Variants in PTPRK observed in about 807,000 individuals in gnomAD.
PTPRK encodes the protein protein tyrosine phosphatase receptor type K, also known as receptor-type tyrosine-protein phosphatase kappa.
Under a neutral mutation model 178.0 loss-of-function variants are expected in PTPRK, and 75 were observed. The observed-to-expected ratio is 0.42, with a 90% CI of 0.35 to 0.51. PTPRK has a LOEUF of 0.51. Among genes scored for constraint, PTPRK ranks in the 20% least tolerant of loss-of-function variants. The pLI, the probability that PTPRK is intolerant of heterozygous loss-of-function variation, is 0.02. For missense variants in PTPRK, 1,441 were observed against 1,797.8 expected, an observed-to-expected ratio of 0.80 and a Z score of 3.59; for synonymous variants, 637 against 620.6, an observed-to-expected ratio of 1.03 and a Z score of -0.39.
intron 1 of PTPRK, among the ~76,000 whole-genome samples, chr6:128,476,028 T>C (rs1851331640): frequency 6.6e-6 from 1 of 152,042 alleles, no homozygotes; most frequent in Non-Finnish European, 1.5e-5. Flanking sequence ...AGAAAGGATA[T>C]CTTACCAAAA....
chr6:128,200,109 C>T (rs1805644264), intron 6 of PTPRK, among the ~76,000 whole-genome samples: 1 of 152,148 alleles, frequency 6.6e-6, no homozygotes, highest in Admixed American at 6.5e-5. Context: ...TATGATGGTT[C>T]ATACATTTCC....
intron 13 of PTPRK, chr6:128,062,707 G>A (rs1781067169): frequency 6.3e-6 from 1 of 158,408 alleles, no homozygotes; most frequent in Admixed American, 6.6e-5. Context: ...TTTAGAGACA[G>A]GGTCTCACTC....
chr6:128,002,954 G>A (rs560982335), intron 15 of PTPRK, among the ~76,000 whole-genome samples: 2 of 151,908 alleles, frequency 1.3e-5, no homozygotes, highest in African/African-American at 2.4e-5. Flanking sequence ...TAAGGGCCAT[G>A]TACTTTTGCT....
chr6:128,137,940 C>T (rs1262342072), intron 7 of PTPRK, among the ~76,000 whole-genome samples: 1 of 152,002 alleles, frequency 6.6e-6, no homozygotes, highest in East Asian at 1.9e-4. Context: ...ACTGGTATAT[C>T]CCACATCAGG....
Position 127,976,146 on chromosome 6 carries a change from C to T in PTPRK, c.3969+511G>A, listed in dbSNP as rs936409742. Among the ~76,000 whole-genome samples, 6 of 152,072 alleles carry T rather than the reference C, an allele frequency of 3.9e-5. No individual in the cohort carries two copies. In the South Asian group the frequency reaches 6.2e-4, roughly 16 times the overall value. Reference sequence around the variant, plus strand: ...ATCTGCTTAGAGCCATAGGTTGAGACGTTTAGGAAGATGAAATTGCAGGTA... The same window carrying T: ...ATCTGCTTAGAGCCATAGGTTGAGATGTTTAGGAAGATGAAATTGCAGGTA... On this transcript the variant is annotated intron_variant, in intron 27 of 29. Transcript: ENST00000368226.
chr6:128,243,761 T>C (rs1223978610), intron 3 of PTPRK, among the ~76,000 whole-genome samples: 1 of 152,150 alleles, frequency 6.6e-6, no homozygotes, highest in African/African-American at 2.4e-5. Flanking sequence ...CATTCAGCTC[T>C]TCAATGTTGT....
At chr6:127,979,059 T>C (rs1213671832) in intron 25 of PTPRK, among the ~76,000 whole-genome samples, 2 of 151,802 alleles carry the variant, frequency 1.3e-5, no homozygotes, top group South Asian at 2.1e-4. Context: ...TCAACTTTCA[T>C]ACAGAAAAAA....
intron 1 of PTPRK, among the ~76,000 whole-genome samples, chr6:128,430,244 G>A (rs1002482453): frequency 2.0e-5 from 3 of 152,132 alleles, no homozygotes; most frequent in African/African-American, 7.2e-5. Context: ...AGACAGATAG[G>A]GAGAAAGTTT....
At chr6:128,200,238 C>T (rs959631470) in intron 6 of PTPRK, among the ~76,000 whole-genome samples, 12 of 152,030 alleles carry the variant, frequency 7.9e-5, no homozygotes, top group Admixed American at 3.9e-4. Flanking sequence ...ACTGTTAGTT[C>T]AGAGAAAAAT....
chr6:128,001,292 T>C (rs34601789), intron 15 of PTPRK: 310,557 of 1,017,090 alleles, frequency 0.31, 50,560 homozygotes, highest in Admixed American at 0.37. Flanking sequence ...AATCAGTAAG[T>C]ATTAGCATTA....
intron 7 of PTPRK, among the ~76,000 whole-genome samples, chr6:128,093,972 G>A (rs1466871987): frequency 2.0e-5 from 3 of 152,148 alleles, no homozygotes; most frequent in Non-Finnish European, 2.9e-5. Context: ...CCTTTCAAAT[G>A]GAGTAGACAT....
chr6:128,430,511 A>C (rs1234731363), intron 1 of PTPRK, among the ~76,000 whole-genome samples: 4 of 152,198 alleles, frequency 2.6e-5, no homozygotes, highest in African/African-American at 7.2e-5. Context: ...CTAATGATGC[A>C]ATGAGACTAA....
chr6:128,031,420 A>G (rs1164896746), intron 13 of PTPRK, among the ~76,000 whole-genome samples: 1 of 152,234 alleles, frequency 6.6e-6, no homozygotes, highest in East Asian at 1.9e-4. Flanking sequence ...AAATTGCATG[A>G]CACTAATGCT....
chr6:128,119,544 A>C (rs1031184951), intron 7 of PTPRK, among the ~76,000 whole-genome samples: 1 of 152,102 alleles, frequency 6.6e-6, no homozygotes, highest in Non-Finnish European at 1.5e-5. Flanking sequence ...AGTGCTGCTG[A>C]CTTTGCCAGT....
intron 3 of PTPRK, among the ~76,000 whole-genome samples, chr6:128,264,673 C>T (rs1222781087): frequency 2.6e-5 from 4 of 151,966 alleles, no homozygotes; most frequent in African/African-American, 4.8e-5. Flanking sequence ...TATTCATGAA[C>T]ATTACTTCAT....
At chr6:128,417,713 G>C (rs1842997983) in intron 1 of PTPRK, among the ~76,000 whole-genome samples, 1 of 152,086 alleles carries the variant, frequency 6.6e-6, no homozygotes, top group Admixed American at 6.6e-5. Context: ...TGGTATTTTT[G>C]TCACTCAGTA....
chr6:128,001,138 T>C, intron 15 of PTPRK: 4 of 1,331,068 alleles, frequency 3.0e-6, no homozygotes, highest in South Asian at 1.3e-5. Flanking sequence ...TTAAGAATAA[T>C]AACTTGAAAT....
intron 1 of PTPRK, among the ~76,000 whole-genome samples, chr6:128,471,235 A>G (rs1293628728): frequency 1.3e-5 from 2 of 152,098 alleles, no homozygotes; most frequent in Admixed American, 6.6e-5. Flanking sequence ...TATGCCACAC[A>G]TCAAGGTATT....
intron 2 of PTPRK, among the ~76,000 whole-genome samples, chr6:128,334,948 C>T (rs1291745070): frequency 6.6e-6 from 1 of 151,976 alleles, no homozygotes; most frequent in Non-Finnish European, 1.5e-5. Context: ...ATTAGCCAGG[C>T]GTGGTGGCGG....
Sources: allele counts gnomAD v4.1 joint callset (sites outside exome capture counted in the v4.1 genomes callset), GRCh38; gene constraint gnomAD v4.1.1; transcripts MANE v1.5; gene names NCBI Gene and HGNC (gene_info 2026-07-23, HGNC 2026-07-21).